The following RUNDC3B variants were observed in gnomAD, a reference collection of about 807,000 sequenced individuals.
The protein encoded by RUNDC3B is RUN domain-containing protein 3B.
RUNDC3B carries 33 observed loss-of-function variants against 58.4 expected under a neutral mutation model. The observed-to-expected ratio is 0.56, with a 90% confidence interval of 0.43 to 0.75. The LOEUF (loss-of-function observed/expected upper bound fraction) is 0.75, where lower values mean the gene tolerates loss of function less well. RUNDC3B is among the 30% of genes least tolerant of loss of function. RUNDC3B has a pLI of 0.00. For missense variants in RUNDC3B, 501 were observed against 535.7 expected, an observed-to-expected ratio of 0.94 and a Z score of 0.64; for synonymous variants, 193 against 195.2, an observed-to-expected ratio of 0.99 and a Z score of 0.10.
chr7:87,701,698 T>C (rs1829051686), intron 3 of RUNDC3B, among the ~76,000 whole-genome samples: 1 of 152,320 alleles, frequency 6.6e-6, no homozygotes, highest in South Asian at 2.1e-4. Context: ...CTGAAAAGAC[T>C]ATTAAAAGAT....
intron 6 of RUNDC3B, among the ~76,000 whole-genome samples, chr7:87,757,586 C>T (rs1212727240): frequency 6.6e-6 from 1 of 152,052 alleles, no homozygotes; most frequent in Non-Finnish European, 1.5e-5. Flanking sequence ...AGTGTCCCAT[C>T]ACACCAAGCA....
At chr7:87,823,021 T>C (rs1837574073) in intron 10 of RUNDC3B, among the ~76,000 whole-genome samples, 1 of 151,994 alleles carries the variant, frequency 6.6e-6, no homozygotes, top group Non-Finnish European at 1.5e-5. Flanking sequence ...ACATGTACCC[T>C]AAAACTTAAA....
Position 87,679,947 on chromosome 7 carries a change from T to C in RUNDC3B, c.239-20474T>C, listed in dbSNP as rs926572143. Among the ~76,000 whole-genome samples, 7 of 150,558 alleles carry C rather than the reference T, an allele frequency of 4.6e-5. 1 individual carries two copies. Among genetic ancestry groups the C allele is most frequent in the Admixed American group, 4.6e-4 (7 of 15,102 alleles). On this transcript the variant is annotated intron_variant, in intron 2 of 10. Transcript: ENST00000394654. ...ACACTTTTTTAAACAAATTATACTTTACATGTGCCATGGTGGTTTGCTGCA... is the reference window on the plus strand; with the variant it reads ...ACACTTTTTTAAACAAATTATACTTCACATGTGCCATGGTGGTTTGCTGCA...
intron 6 of RUNDC3B, among the ~76,000 whole-genome samples, chr7:87,742,567 C>CATAAATAG (rs1832386515): frequency 7.0e-6 from 1 of 143,024 alleles, no homozygotes; most frequent in Non-Finnish European, 1.5e-5. Context: ...AGTATTCCAT[C>CATAAATAG]ATAGATAAAT....
chr7:87,770,234 C>A (rs1471486816), intron 6 of RUNDC3B, among the ~76,000 whole-genome samples: 2 of 152,048 alleles, frequency 1.3e-5, no homozygotes, highest in Non-Finnish European at 2.9e-5. Context: ...TGAAAGGAAC[C>A]CAGTTAGAAG....
chr7:87,690,407 C>A (rs1009775645), intron 2 of RUNDC3B, among the ~76,000 whole-genome samples: 1 of 152,058 alleles, frequency 6.6e-6, no homozygotes, highest in African/African-American at 2.4e-5. Context: ...AAGATTAGCA[C>A]AATTTAGGTA....
chr7:87,660,279 T>A (rs1824554672), intron 2 of RUNDC3B, among the ~76,000 whole-genome samples: 1 of 152,090 alleles, frequency 6.6e-6, no homozygotes, highest in Non-Finnish European at 1.5e-5. Context: ...ACTAATTCAC[T>A]TTATGCTTTC....
intron 4 of RUNDC3B, among the ~76,000 whole-genome samples, chr7:87,731,273 G>C (rs1284069362): frequency 6.6e-6 from 1 of 151,840 alleles, no homozygotes; most frequent in Non-Finnish European, 1.5e-5. Flanking sequence ...GACAGACAGA[G>C]ATATACACAA....
At chr7:87,754,762 G>T (rs1270071559) in intron 6 of RUNDC3B, among the ~76,000 whole-genome samples, 4 of 151,474 alleles carry the variant, frequency 2.6e-5, no homozygotes, top group Non-Finnish European at 5.9e-5. Context: ...TGTTACCATA[G>T]ACCCCACAGA....
Position 87,739,881 on chromosome 7 carries a change from G to A in RUNDC3B, c.548+1G>A, listed in dbSNP as rs1455111048. 1.3e-6 allele frequency: 2 copies of A among 1,489,748 alleles called. No individual in the cohort carries two copies. The highest frequency in any genetic ancestry group is 1.8e-6 in the Non-Finnish European group (2 of 1,081,524). The allele number at this position is 1,489,748 out of a possible 1,614,324, so 92.3% of individuals were successfully genotyped here. ...TAGGACTCAATGCTATTGATTTCAG[G>A]TACTTAACCAAATGCATTCAGTTTT... On this transcript the variant is annotated splice_donor_variant, in intron 5 of 10. Coordinates refer to ENST00000394654, the MANE Select transcript of RUNDC3B (RefSeq NM_001134405.2). LOFTEE classifies it high-confidence loss of function.
At position 87,679,543 on chromosome 7, in the gene RUNDC3B, C is replaced by G. The variant is rs929190252; in HGVS notation, c.239-20878C>G. On this transcript the variant is annotated intron_variant, in intron 2 of 10. Coordinates refer to ENST00000394654, the MANE Select transcript of RUNDC3B (RefSeq NM_001134405.2). ...TAGCTGGGACTACAGGCACACACCA[C>G]TACACCCAGCTAATTTTTTGATTTT... Among the ~76,000 whole-genome samples the G allele has an allele frequency of 1.6e-4, 24 of 150,134 alleles. 2 individuals are homozygous for G. Among genetic ancestry groups the G allele is most frequent in the African/African-American group, 5.4e-4 (22 of 40,404 alleles).
intron 8 of RUNDC3B, among the ~76,000 whole-genome samples, chr7:87,790,080 G>A (rs1471730639): frequency 3.3e-5 from 5 of 152,316 alleles, no homozygotes; most frequent in African/African-American, 9.6e-5. Context: ...GTGAGACCCA[G>A]TGCTGTCCTA....
chr7:87,760,069 G>T (rs6972856), intron 6 of RUNDC3B, among the ~76,000 whole-genome samples: 2,188 of 145,252 alleles, frequency 0.015, 24 homozygotes, highest in Non-Finnish European at 0.024. Flanking sequence ...TGATACAGGG[G>T]TTTTTTTTTT....
intron 1 of RUNDC3B, among the ~76,000 whole-genome samples, chr7:87,632,403 A>T (rs1821312503): frequency 6.6e-6 from 1 of 152,180 alleles, no homozygotes; most frequent in Non-Finnish European, 1.5e-5. Flanking sequence ...AGTTTTTTTT[A>T]GTGAACATTT....
At chr7:87,650,373 C>T (rs976219595) in intron 1 of RUNDC3B, among the ~76,000 whole-genome samples, 2 of 152,150 alleles carry the variant, frequency 1.3e-5, no homozygotes, top group Admixed American at 1.3e-4. Flanking sequence ...GATCGGGGCA[C>T]CATCAGATTG....
intron 4 of RUNDC3B, among the ~76,000 whole-genome samples, chr7:87,729,417 A>C (rs1241393596): frequency 1.3e-5 from 2 of 152,206 alleles, no homozygotes; most frequent in South Asian, 2.1e-4. Context: ...AAATCTGTGC[A>C]TTCAGGGGAG....
chr7:87,651,152 A>G (rs936596433), intron 2 of RUNDC3B, among the ~76,000 whole-genome samples: 6 of 152,176 alleles, frequency 3.9e-5, no homozygotes, highest in African/African-American at 1.2e-4. Flanking sequence ...ATTGCCACAT[A>G]CAAGGAGAAA....
At chr7:87,748,367 C>T (rs775399815) in intron 6 of RUNDC3B, among the ~76,000 whole-genome samples, 30 of 152,160 alleles carry the variant, frequency 2.0e-4, no homozygotes, top group Non-Finnish European at 3.5e-4. Context: ...GAGCAGTCCA[C>T]TCCTTCAGAG....
Position 87,679,029 on chromosome 7 carries a change from A to G in RUNDC3B, c.239-21392A>G, listed in dbSNP as rs546801118. Among the ~76,000 whole-genome samples the G allele has an allele frequency of 1.4e-4, 19 of 137,746 alleles. 3 individuals are homozygous for G. The highest frequency in any genetic ancestry group is 3.4e-4 in the African/African-American group (12 of 35,012). The allele number at this position is 137,746 out of a possible 152,430, so 90.4% of individuals were successfully genotyped here. A position where few individuals can be genotyped will look rare whatever the true frequency, so the allele number is the denominator to read the frequency against. ...AGATCAAGTAAACAGAAAATTAGTA[A>G]GGGTACAAATGATCTTGGCAATATT... On this transcript the variant is annotated intron_variant, in intron 2 of 10. Transcript: ENST00000394654.
Sources: gnomAD v4.1 joint callset for allele counts (sites outside exome capture counted in the v4.1 genomes callset) on GRCh38, gnomAD v4.1.1 for gene constraint, MANE v1.5 for transcripts, NCBI Gene and HGNC (gene_info 2026-07-23, HGNC 2026-07-21) for gene names.